MAP3K21: variants seen among roughly 807,000 people sequenced by gnomAD.
The protein encoded by MAP3K21 is mitogen-activated protein kinase kinase kinase 21, also known as mitogen-activated protein kinase kinase kinase MLK4.
In MAP3K21, 63 loss-of-function variants were observed where a neutral mutation model predicts 86.1. The ratio of observed to expected loss-of-function variants is 0.73; its 90% CI spans 0.60 to 0.90. The LOEUF (loss-of-function observed/expected upper bound fraction) is 0.90, where lower values mean the gene tolerates loss of function less well. MAP3K21 is among the 40% of genes least tolerant of loss of function. The pLI is 0.00. For missense variants in MAP3K21, 1,220 were observed against 1,367.7 expected (o/e 0.89, Z 1.70); for synonymous variants, 558 against 564.8 (o/e 0.99, Z 0.17).
intron 4 of MAP3K21, among the ~76,000 whole-genome samples, 174 bp downstream of exon 4, chr1:233,355,185 A>T (rs1663329351): frequency 6.6e-6 from 1 of 152,236 alleles, no homozygotes. Context: ...AGGGTACTCA[A>T]TATGTATAAT....
intron 4 of MAP3K21, among the ~76,000 whole-genome samples, chr1:233,357,210 C>A (rs552013333): frequency 1.3e-5 from 2 of 151,956 alleles, no homozygotes; most frequent in African/African-American, 4.8e-5. Context: ...ACAATGAGAA[C>A]GCTTGGACAC....
rs569314045 is a variant in MAP3K21 at position 233,358,611 on chromosome 1, A to C, written c.1312-3442A>C. Among the ~76,000 whole-genome samples the C allele has an allele frequency of 3.9e-4, 60 of 152,132 alleles. No homozygotes were observed. In the Middle Eastern group the frequency reaches 0.014, roughly 34 times the overall value. On this transcript the variant is annotated intron_variant, in intron 4 of 9. Coordinates refer to ENST00000366624, the MANE Select transcript of MAP3K21 (RefSeq NM_032435.3). ...ATAAAGCTTCAAATCATAGAATCTA[A>C]AATTTGGAAATGATGTTACTCACAA...
chr1:233,355,807 A>G (rs780844684), intron 4 of MAP3K21, among the ~76,000 whole-genome samples: 28 of 152,006 alleles, frequency 1.8e-4, no homozygotes, highest in Non-Finnish European at 2.8e-4. Context: ...ATCCCTGCCA[A>G]CCTCACTCAT....
chr1:233,369,259 G>A (rs1038755226), intron 5 of MAP3K21, among the ~76,000 whole-genome samples: 1 of 151,228 alleles, frequency 6.6e-6, no homozygotes, highest in African/African-American at 2.4e-5. Context: ...GTGTGGTGGT[G>A]TGCGCCTGTA....
intron 5 of MAP3K21, among the ~76,000 whole-genome samples, chr1:233,366,818 G>A (rs891485808): frequency 2.6e-5 from 4 of 152,064 alleles, no homozygotes; most frequent in African/African-American, 9.7e-5. Flanking sequence ...TATAGCTATG[G>A]TGATTTAGTG....
Position 233,339,359 on chromosome 1 carries a change from C to T in MAP3K21, c.806-7083C>T, listed in dbSNP as rs1321902066. Among the ~76,000 whole-genome samples, 69 of 44,914 alleles carry T rather than the reference C, an allele frequency of 1.5e-3. 1 individual carries two copies. Among genetic ancestry groups the T allele is most frequent in the Admixed American group, 3.0e-3 (10 of 3,358 alleles). The allele number at this position is 44,914 out of a possible 152,430, so 29.5% of individuals were successfully genotyped here. On this transcript the variant is annotated intron_variant, in intron 1 of 9. Coordinates refer to ENST00000366624, the MANE Select transcript of MAP3K21 (RefSeq NM_032435.3). ...TTCTTCTCCCTCTTCTCCCTCTTCT[C>T]CTTCTCCTCCTTCTCCTTCTTCTCC...
chr1:233,343,347 C>T (rs998570872), intron 1 of MAP3K21, among the ~76,000 whole-genome samples: 3 of 152,188 alleles, frequency 2.0e-5, no homozygotes, highest in African/African-American at 7.2e-5. Flanking sequence ...GTTCTGAGCA[C>T]TTCACATGTA....
intron 1 of MAP3K21, among the ~76,000 whole-genome samples, chr1:233,339,407 CCTCCTCCTCCTTCTCCTCCTCCTT>C (rs1433267823): frequency 2.6e-5 from 1 of 38,414 alleles, no homozygotes; most frequent in Non-Finnish European, 4.7e-5. Context: ...TTCTCCTCCT[CCTCCTCCTCCTTCTCCTCCTCCTT>C]CTCCTCCTCC....
At chr1:233,343,860 C>A (rs1311656087) in intron 1 of MAP3K21, among the ~76,000 whole-genome samples, 1 of 152,126 alleles carries the variant, frequency 6.6e-6, no homozygotes, top group Non-Finnish European at 1.5e-5. Flanking sequence ...TTAGTTTTTA[C>A]TAAAACTAAC....
intron 8 of MAP3K21, 148 bp from the exon 9 acceptor site, chr1:233,378,783 G>C: frequency 1.5e-6 from 1 of 652,986 alleles, no homozygotes. Flanking sequence ...AGCCCTCCTG[G>C]ATGAATCATT....
intron 1 of MAP3K21, among the ~76,000 whole-genome samples, chr1:233,329,943 G>A (rs900804586): frequency 7.2e-5 from 11 of 152,218 alleles, no homozygotes; most frequent in Middle Eastern, 3.2e-3. Flanking sequence ...GCTGTTTGAT[G>A]TTGGTTCTTT....
At chr1:233,371,226 ATAT>A (rs1249128676) in intron 5 of MAP3K21, among the ~76,000 whole-genome samples, 1 of 152,212 alleles carries the variant, frequency 6.6e-6, no homozygotes, top group Admixed American at 6.5e-5. Flanking sequence ...ACCATGTGAA[ATAT>A]TGTTGTTCAC....
At position 233,382,465 on chromosome 1, in the gene MAP3K21, T is replaced by C. The variant is rs1446060332; in HGVS notation, c.2865T>C (p.Asp955=). 6.2e-7 allele frequency: 1 copy of C among 1,614,176 alleles called. No individual in the cohort carries two copies. Residue 955 remains aspartate (D), a synonymous_variant, in exon 10 of 10, where the codon GAT becomes GAC. Coordinates refer to ENST00000366624, the MANE Select transcript of MAP3K21 (RefSeq NM_032435.3). ...CTGCCTCCCTGAGAAGCCGCTCAGATCTGCCTCAGGCTTACCCACAGACAG... is the reference window on the plus strand; with the variant it reads ...CTGCCTCCCTGAGAAGCCGCTCAGACCTGCCTCAGGCTTACCCACAGACAG... The part of the protein sequence containing the change: ...RRPASLRSRS[D]LPQAYPQTAV...
rs375372411 is a variant in MAP3K21 at position 233,328,020 on chromosome 1, G to A, written c.-9G>A. ...CTTCCCGCTCCGCCTTCCCCGCGCAGCTGCCCCCATGGCTTTGCGGGGCGC... is the reference window on the plus strand; with the variant it reads ...CTTCCCGCTCCGCCTTCCCCGCGCAACTGCCCCCATGGCTTTGCGGGGCGC... On this transcript the variant is annotated 5_prime_UTR_variant, in exon 1 of 10. Transcript: ENST00000366624. The surrounding 1 kb of genome is among the most constrained non-coding windows in gnomAD (Gnocchi z 8.7). The A allele has an allele frequency of 7.9e-7, 1 of 1,270,246 alleles. No homozygotes were observed. The allele number at this position is 1,270,246 out of a possible 1,614,324, so 78.7% of individuals were successfully genotyped here. A position where few individuals can be genotyped will look rare whatever the true frequency, so the allele number is the denominator to read the frequency against.
intron 1 of MAP3K21, among the ~76,000 whole-genome samples, chr1:233,344,292 A>G (rs987777898): frequency 1.3e-5 from 2 of 152,204 alleles, no homozygotes; most frequent in Non-Finnish European, 2.9e-5. Context: ...AAGCAAAAAG[A>G]ACAAAACTGG....
chr1:233,362,059 C>T lies in MAP3K21; in HGVS notation c.1318C>T (p.Arg440Ter), dbSNP rs757351496. The change falls in exon 5 of 10, where the codon CGA (arginine) becomes TGA (stop). Residue 440 changes from arginine (R) to a stop codon, truncating the protein, a stop_gained. Transcript: ENST00000366624. LOFTEE classifies it high-confidence loss of function. ...GTGTGAATCTGTGTCGCAGGAGCTG[C>T]GATCCCGGGAAGAGGAGCTGACTCG... ...DELRTKEKEL[R>*]SREEELTRAA... 1 of 1,611,402 alleles carries T rather than the reference C, an allele frequency of 6.2e-7. No individual in the cohort carries two copies. Among genetic ancestry groups the T allele is most frequent in the Admixed American group, 1.7e-5 (1 of 59,766 alleles).
intron 1 of MAP3K21, among the ~76,000 whole-genome samples, chr1:233,330,204 T>G (rs1662784765): frequency 6.6e-6 from 1 of 152,240 alleles, no homozygotes; most frequent in Non-Finnish European, 1.5e-5. Context: ...TAGCTAAGCA[T>G]AAGCATTAGG....
chr1:233,339,367 T>C (rs1437263249), intron 1 of MAP3K21, among the ~76,000 whole-genome samples: 4 of 80,118 alleles, frequency 5.0e-5, no homozygotes, highest in African/African-American at 5.4e-5. Flanking sequence ...CTCCTTCTCC[T>C]CCTTCTCCTT....
chr1:233,358,902 C>T (rs1033780658), intron 4 of MAP3K21, among the ~76,000 whole-genome samples: 10 of 152,018 alleles, frequency 6.6e-5, no homozygotes, highest in Non-Finnish European at 1.2e-4. Flanking sequence ...CTCCACCTCC[C>T]GAGTTCAAGT....
Sources: gnomAD v4.1 joint callset for allele counts (sites outside exome capture counted in the v4.1 genomes callset) on GRCh38, gnomAD v4.1.1 for gene constraint, Gnocchi (gnomAD v3.1) non-coding constraint, MANE v1.5 for transcripts, NCBI Gene and HGNC (gene_info 2026-07-23, HGNC 2026-07-21) for gene names.